The following ARSG variants were observed in gnomAD, a reference collection of about 807,000 sequenced individuals.
ARSG encodes the protein arylsulfatase G, also known as ASG.
ARSG carries 37 observed loss-of-function variants against 50.5 expected under a neutral mutation model. That is an observed-to-expected ratio of 0.73 (90% CI 0.56 to 0.96). ARSG has a LOEUF of 0.96. Among genes scored for constraint, ARSG ranks in the 50% least tolerant of loss-of-function variants. The pLI is 0.00. For missense variants in ARSG, 629 were observed against 675.3 expected (o/e 0.93, Z 0.76); for synonymous variants, 225 against 254.6 (o/e 0.88, Z 1.11).
chr17:68,351,507 G>T, intron 4 of ARSG, 68 bp from the exon 5 acceptor site: 1 of 810,016 alleles, frequency 1.2e-6, no homozygotes, highest in South Asian at 1.4e-5. Context: ...TTTTTGTCGT[G>T]GGTGTACAAA....
In ARSG at chr17:68,368,606, C is replaced by A; in HGVS notation, c.763C>A (p.Pro255Thr). Residue 255 changes from proline to threonine, a missense_variant, in exon 7 of 12, where the codon CCT (proline) becomes ACT (threonine). Pro to Thr is a conservative substitution (Grantham distance 38, BLOSUM62 -1). Transcript: ENST00000621439. ...VALAHMHVPL[P>T]VTQLPAAPRG... is the part of the protein sequence containing the mutation. ...TCTGGCCCACATGCACGTGCCCTTA[C>A]CTGTGACTCAGCTACCAGCAGCGCC... 1.2e-6 allele frequency: 2 copies of A among 1,614,214 alleles called. No individual in the cohort carries two copies. Among genetic ancestry groups the A allele is most frequent in the Non-Finnish European group, 1.7e-6 (2 of 1,180,030 alleles).
intron 6 of ARSG, among the ~76,000 whole-genome samples, chr17:68,362,800 A>T: frequency 6.6e-6 from 1 of 152,022 alleles, no homozygotes; most frequent in Admixed American, 6.6e-5. Flanking sequence ...CTTTTTAAAT[A>T]ATCATCTTAT....
downstream of ARSG, among the ~76,000 whole-genome samples, chr17:68,424,736 G>T (rs1013858780): frequency 6.6e-6 from 1 of 152,114 alleles, no homozygotes; most frequent in Admixed American, 6.5e-5. Context: ...TATTAGTTGG[G>T]CATGGTGGCG....
downstream of ARSG, chr17:68,427,067 GC>G (rs1953454874): frequency 7.7e-7 from 1 of 1,298,556 alleles, no homozygotes; most frequent in African/African-American, 1.5e-5. Context: ...AGGGGAGGGA[GC>G]GTGCAGGGAG....
At chr17:68,346,844 G>A in intron 3 of ARSG, 1 of 1,387,096 alleles carries the variant, frequency 7.2e-7, no homozygotes, top group Non-Finnish European at 9.5e-7. Flanking sequence ...CCTCTTTGAG[G>A]GGCAGAGGCT....
At chr17:68,351,483 C>T in intron 4 of ARSG, 92 bp from the exon 5 acceptor site, 1 of 731,528 alleles carries the variant, frequency 1.4e-6, no homozygotes, top group Non-Finnish European at 2.5e-6. Context: ...AGTATTAAAT[C>T]ATAGGAAATT....
chr17:68,277,503 C>T (rs1158967484), intron 1 of ARSG, among the ~76,000 whole-genome samples: 6 of 152,028 alleles, frequency 3.9e-5, no homozygotes, highest in Admixed American at 3.9e-4. Context: ...GATCTCAGCT[C>T]ACTGCAACCT....
chr17:68,338,184 A>ATGTG (rs148359932), intron 2 of ARSG, among the ~76,000 whole-genome samples: 2 of 150,896 alleles, frequency 1.3e-5, no homozygotes, highest in South Asian at 4.2e-4. Flanking sequence ...GTATTTGAAG[A>ATGTG]TGTGTGTGTG....
chr17:68,416,908 T>C (rs892916844), intron 11 of ARSG, among the ~76,000 whole-genome samples: 1 of 152,258 alleles, frequency 6.6e-6, no homozygotes, highest in Non-Finnish European at 1.5e-5. Context: ...GCATTGGGCT[T>C]CACCTTTCTC....
At chr17:68,368,835 C>T (rs763117503) in intron 7 of ARSG, 91 bp downstream of exon 7, 2 of 1,399,504 alleles carry the variant, frequency 1.4e-6, no homozygotes, top group African/African-American at 1.5e-5. Flanking sequence ...CCCGTGATCC[C>T]CTTTCATAGG....
intron 10 of ARSG, among the ~76,000 whole-genome samples, chr17:68,396,642 A>T (rs2081261180): frequency 6.6e-6 from 1 of 152,170 alleles, no homozygotes; most frequent in South Asian, 2.1e-4. Flanking sequence ...AGTGACTCAA[A>T]TGTACAGAAG....
intron 2 of ARSG, among the ~76,000 whole-genome samples, chr17:68,335,859 C>T (rs1568483813): frequency 6.6e-6 from 1 of 152,168 alleles, no homozygotes; most frequent in Non-Finnish European, 1.5e-5. Flanking sequence ...GGCATCGGGG[C>T]AGCAGATAAG....
intron 4 of ARSG, among the ~76,000 whole-genome samples, chr17:68,349,899 C>T (rs576074759): frequency 8.5e-5 from 13 of 152,176 alleles, no homozygotes; most frequent in African/African-American, 3.1e-4. Flanking sequence ...AAAAAAAATA[C>T]GACAAGCATC....
At chr17:68,430,105 C>T in the ARSG span, 1 of 1,614,104 alleles carries the variant, frequency 6.2e-7, no homozygotes, top group Admixed American at 1.7e-5. Flanking sequence ...TAGTTGGTAG[C>T]AGCCATAAAC....
chr17:68,262,446 G>T (rs2075088183), intron 1 of ARSG, among the ~76,000 whole-genome samples: 1 of 151,652 alleles, frequency 6.6e-6, no homozygotes, highest in Admixed American at 6.6e-5. Context: ...ACTCCAACCT[G>T]GGCGACAGAG....
In ARSG at chr17:68,420,298, T is replaced by C. The variant is rs2082690132; in HGVS notation, c.1413T>C (p.Gly471=). 1.9e-6 allele frequency: 3 copies of C among 1,613,818 alleles called. No homozygotes were observed. The highest frequency in any genetic ancestry group is 1.7e-6 in the Non-Finnish European group (2 of 1,180,000). The part of the protein sequence containing the change: ...DTAEAVPLER[G]GAEYQAVLPE... ...CAGAAGCTGTGCCCCTAGAAAGAGG[T>C]GGTGCGGAGTACCAGGCTGTGCTGC... The change falls in exon 12 of 12, where the codon GGT becomes GGC. Residue 471 remains glycine, a synonymous_variant. Transcript: ENST00000621439.
At chr17:68,400,468 A>C (rs1315658968) in intron 10 of ARSG, 2 of 152,160 alleles carry the variant, frequency 1.3e-5, no homozygotes, top group Non-Finnish European at 2.9e-5. Flanking sequence ...TCCTTGCTCA[A>C]GGGAGAGTTG....
intron 8 of ARSG, among the ~76,000 whole-genome samples, chr17:68,377,389 C>G (rs1242718343): frequency 1.3e-5 from 2 of 152,172 alleles, no homozygotes; most frequent in Non-Finnish European, 2.9e-5. Context: ...TAGCAATTGT[C>G]AAGGAAAAGT....
intron 2 of ARSG, among the ~76,000 whole-genome samples, chr17:68,342,246 C>T (rs2078301028): frequency 6.6e-6 from 1 of 151,782 alleles, no homozygotes; most frequent in African/African-American, 2.4e-5. Context: ...CATCTGTTCA[C>T]AATATTTTCA....
Sources: allele counts gnomAD v4.1 joint callset (sites outside exome capture counted in the v4.1 genomes callset), GRCh38; gene constraint gnomAD v4.1.1; transcripts MANE v1.5; gene names NCBI Gene and HGNC (gene_info 2026-07-23, HGNC 2026-07-21).